Variants in KIF21A observed in about 807,000 individuals in gnomAD.
KIF21A encodes kinesin family member 21A, also known as kinesin-like protein KIF21A.
A neutral mutation model predicts 202.9 loss-of-function variants in KIF21A; 114 were observed. The ratio of observed to expected loss-of-function variants is 0.56; its 90% confidence interval spans 0.48 to 0.66. The LOEUF is 0.66. KIF21A is among the 30% of genes least tolerant of loss of function. The probability of loss-of-function intolerance (pLI) is 0.00; values close to 1 mark genes in which losing one functional copy is unlikely to be tolerated. For synonymous variants in KIF21A, 667 were observed against 670.8 expected (o/e 0.99, Z 0.09); for missense variants, 1,677 against 1,994.9 (o/e 0.84, Z 3.04).
At chr12:39,324,724 G>C (rs1045107190) in intron 26 of KIF21A, among the ~76,000 whole-genome samples, 3 of 152,172 alleles carry the variant, frequency 2.0e-5, no homozygotes, top group Admixed American at 1.3e-4. Context: ...TTTCCTTTTA[G>C]ATGGGGCATG....
At chr12:39,314,555 AT>A (rs745324718) in intron 31 of KIF21A, among the ~76,000 whole-genome samples, 3 of 151,922 alleles carry the variant, frequency 2.0e-5, no homozygotes, top group Non-Finnish European at 4.4e-5. Flanking sequence ...TAAGAAAACA[AT>A]TCATGTTAAC....
At chr12:39,412,150 C>T (rs1447163502) in intron 1 of KIF21A, among the ~76,000 whole-genome samples, 1 of 152,058 alleles carries the variant, frequency 6.6e-6, no homozygotes, top group Admixed American at 6.6e-5. Context: ...CTGCATGCTG[C>T]TACGTTTTTA....
At chr12:39,331,154 C>T (rs1228532950) in intron 22 of KIF21A, among the ~76,000 whole-genome samples, 1 of 151,530 alleles carries the variant, frequency 6.6e-6, no homozygotes, top group East Asian at 1.9e-4. Context: ...CCTCTTAGCA[C>T]ATTGTGAAAA....
chr12:39,325,119 C>T (rs1945721223), intron 26 of KIF21A, among the ~76,000 whole-genome samples: 1 of 152,164 alleles, frequency 6.6e-6, no homozygotes, highest in Non-Finnish European at 1.5e-5. Flanking sequence ...AGTAAAACCA[C>T]CTCAAGGCAC....
At chr12:39,338,719 T>A (rs1443745987) in intron 16 of KIF21A, among the ~76,000 whole-genome samples, 1 of 152,204 alleles carries the variant, frequency 6.6e-6, no homozygotes, top group Non-Finnish European at 1.5e-5. Flanking sequence ...CCAGCGCATA[T>A]AAAGTTATGT....
At chr12:39,346,528 T>A (rs1368359601) in intron 11 of KIF21A, 24 bp from the exon 12 acceptor site, 1 of 1,445,336 alleles carries the variant, frequency 6.9e-7, no homozygotes, top group African/African-American at 1.4e-5. Flanking sequence ...AGGCACAGTA[T>A]TGGAAGGCCA....
Position 39,325,723 on chromosome 12 carries a change from G to A in KIF21A, c.3456+116C>T. 4.0e-6 allele frequency: 3 copies of A among 742,552 alleles called. No individual in the cohort carries two copies. The South Asian group carries it at 5.0e-5, about 12-fold the overall frequency. The allele number at this position is 742,552 out of a possible 1,614,324, so 46.0% of individuals were successfully genotyped here. ...AAAAACTAAATAAAGAAGAGCTTTAGTAAAACCATGCCCTCTTGCTAATCT... is the reference window on the plus strand; with the variant it reads ...AAAAACTAAATAAAGAAGAGCTTTAATAAAACCATGCCCTCTTGCTAATCT... On this transcript the variant is annotated intron_variant, in intron 26 of 37. Transcript: ENST00000361418.
At chr12:39,356,928 TTTAAA>T (rs1948818321) in intron 9 of KIF21A, 33 bp from the exon 10 acceptor site, 2 of 1,053,214 alleles carry the variant, frequency 1.9e-6, no homozygotes, top group Non-Finnish European at 2.9e-6. Context: ...AAAATTTTCC[TTTAAA>T]TTAAGACTTC....
chr12:39,315,187 T>C (rs1394554663), intron 31 of KIF21A, 42 bp downstream of exon 31: 3 of 1,587,080 alleles, frequency 1.9e-6, no homozygotes, highest in Admixed American at 1.7e-5. Flanking sequence ...GGTCTTTTGA[T>C]ACTGGAAATG....
intron 1 of KIF21A, among the ~76,000 whole-genome samples, chr12:39,416,791 A>ATATATATGTACATATATGTG (rs1953758170): frequency 4.0e-5 from 5 of 124,992 alleles, no homozygotes. Context: ...ATATATGTGT[A>ATATATATGTACATATATGTG]TATATATGTA....
rs1326730509 is a variant in KIF21A at position 39,340,888 on chromosome 12, A to G, written c.2110+18T>C. 1.3e-6 allele frequency: 2 copies of G among 1,561,470 alleles called. No individual in the cohort carries two copies. Among genetic ancestry groups the G allele is most frequent in the Admixed American group, 3.3e-5 (2 of 59,766 alleles). On this transcript the variant is annotated intron_variant, in intron 15 of 37. Coordinates refer to ENST00000361418, the MANE Select transcript of KIF21A (RefSeq NM_001173464.2). ...AGATTTAGCTTGAACTTTCATTTGA[A>G]TTAAATATAATTCTTACCTAAGTTT...
chr12:39,299,242 G>A (rs1007041094), intron 37 of KIF21A, among the ~76,000 whole-genome samples: 1 of 151,796 alleles, frequency 6.6e-6, no homozygotes, highest in Non-Finnish European at 1.5e-5. Flanking sequence ...CAGCATCTCA[G>A]GAACTTAAAC....
intron 1 of KIF21A, among the ~76,000 whole-genome samples, chr12:39,420,650 G>C (rs1322171289): frequency 2.0e-5 from 3 of 152,100 alleles, no homozygotes; most frequent in African/African-American, 7.2e-5. Context: ...TCAGGATGGA[G>C]CTAAATGGAA....
chr12:39,354,365 G>A (rs747299599), intron 10 of KIF21A, among the ~76,000 whole-genome samples: 8 of 152,018 alleles, frequency 5.3e-5, no homozygotes, highest in African/African-American at 1.9e-4. Context: ...TGTCATTTAC[G>A]TTAAAGTATT....
At chr12:39,323,645 G>A (rs959859209) in intron 26 of KIF21A, among the ~76,000 whole-genome samples, 10 of 152,128 alleles carry the variant, frequency 6.6e-5, no homozygotes, top group African/African-American at 2.2e-4. Context: ...GTTAGTTGTT[G>A]ATGTCACTAA....
At chr12:39,296,867 G>GT (rs931990597) in intron 37 of KIF21A, among the ~76,000 whole-genome samples, 1 of 152,222 alleles carries the variant, frequency 6.6e-6, no homozygotes, top group Non-Finnish European at 1.5e-5. Context: ...CCACTGTAGG[G>GT]TTTTGAATAG....
chr12:39,386,082 ATGGTAC>A (rs1348553806), intron 1 of KIF21A, among the ~76,000 whole-genome samples: 2 of 152,152 alleles, frequency 1.3e-5, no homozygotes, highest in Non-Finnish European at 2.9e-5. Flanking sequence ...TAAATTGCTA[ATGGTAC>A]TCCAAAATCC....
intron 1 of KIF21A, among the ~76,000 whole-genome samples, chr12:39,397,260 A>G (rs1951825047): frequency 6.6e-6 from 1 of 152,198 alleles, no homozygotes; most frequent in Non-Finnish European, 1.5e-5. Context: ...TTTGTGTTCA[A>G]TACTTTTTTT....
At chr12:39,408,331 T>C (rs1306046733) in intron 1 of KIF21A, among the ~76,000 whole-genome samples, 2 of 152,062 alleles carry the variant, frequency 1.3e-5, no homozygotes, top group Admixed American at 6.5e-5. Flanking sequence ...TATGATAATT[T>C]AATGCCACCA....
Sources: gnomAD v4.1 joint callset for allele counts (sites outside exome capture counted in the v4.1 genomes callset) on GRCh38, gnomAD v4.1.1 for gene constraint, MANE v1.5 for transcripts, NCBI Gene and HGNC (gene_info 2026-07-23, HGNC 2026-07-21) for gene names.